The following DPYD variants were observed in gnomAD, a reference collection of about 807,000 sequenced individuals.
The protein encoded by DPYD is dihydropyrimidine dehydrogenase [NADP(+)].
DPYD carries 109 observed loss-of-function variants against 116.2 expected under a neutral mutation model. The ratio of observed to expected loss-of-function variants is 0.94; its 90% CI spans 0.80 to 1.10. DPYD has a LOEUF of 1.10. Among genes scored for constraint, DPYD ranks in the 50% least tolerant of loss-of-function variants. DPYD has a pLI of 0.00. For synonymous variants in DPYD, 440 were observed against 432.0 expected, an observed-to-expected ratio of 1.02 and a Z score of -0.23; for missense variants, 1,302 against 1,254.5, an observed-to-expected ratio of 1.04 and a Z score of -0.57.
chr1:97,138,459 AG>A, intron 20 of DPYD, among the ~76,000 whole-genome samples: 2 of 152,254 alleles, frequency 1.3e-5, no homozygotes, highest in East Asian at 3.9e-4. Context: ...CTTAAGCAGT[AG>A]GGGGCATGGT....
intron 12 of DPYD, among the ~76,000 whole-genome samples, chr1:97,530,604 C>T (rs1204349112): frequency 1.3e-5 from 2 of 152,270 alleles, no homozygotes; most frequent in African/African-American, 4.8e-5. Context: ...GCAGATATCT[C>T]TTTGAGATAA....
In DPYD at chr1:97,435,023, A is replaced by T. The variant is rs368198558; in HGVS notation, c.1905+15036T>A. Among the ~76,000 whole-genome samples the T allele has an allele frequency of 2.6e-5, 4 of 152,000 alleles. No individual in the cohort carries two copies. The East Asian group carries it at 5.8e-4, about 22-fold the overall frequency. On this transcript the variant is annotated intron_variant, in intron 14 of 22. Coordinates refer to ENST00000370192, the MANE Select transcript of DPYD (RefSeq NM_000110.4). ...AAAACTAAGAAACTGTTATGTTTTC[A>T]ATTTGTAAAACCCCTTTGTCAATTC... is the stretch of plus-strand genomic sequence containing the variant.
intron 2 of DPYD, among the ~76,000 whole-genome samples, chr1:97,834,431 C>T (rs562743418): frequency 6.6e-6 from 1 of 151,344 alleles, no homozygotes; most frequent in Admixed American, 6.6e-5. Context: ...ATAGGCCTCA[C>T]ATCCATTGCC....
chr1:97,217,267 G>A (rs1013248949), intron 19 of DPYD, among the ~76,000 whole-genome samples: 6 of 152,068 alleles, frequency 3.9e-5, no homozygotes, highest in Non-Finnish European at 7.4e-5. Flanking sequence ...TCTATCTGGT[G>A]GAAATTAACA....
chr1:97,684,562 G>GA lies in DPYD; in HGVS notation c.763-5381dup, dbSNP rs202231273. Among the ~76,000 whole-genome samples, 1,317 of 144,512 alleles carry GA rather than the reference G, an allele frequency of 9.1e-3. 18 individuals are homozygous for GA. Among genetic ancestry groups the GA allele is most frequent in the African/African-American group, 0.029 (1,159 of 39,508 alleles). The allele number at this position is 144,512 out of a possible 152,430, so 94.8% of individuals were successfully genotyped here. A position where few individuals can be genotyped will look rare whatever the true frequency, so the allele number is the denominator to read the frequency against. The stretch of plus-strand genomic sequence containing the variant: ...GAATGAATCCGGGAGCTGGTTTTTT[G>GA]AAAAAAAAATATATATATATATACA... On this transcript the variant is annotated intron_variant, in intron 7 of 22. Coordinates refer to ENST00000370192, the MANE Select transcript of DPYD (RefSeq NM_000110.4).
At chr1:97,694,265 G>A (rs1225861712) in intron 6 of DPYD, among the ~76,000 whole-genome samples, 1 of 152,280 alleles carries the variant, frequency 6.6e-6, no homozygotes, top group East Asian at 1.9e-4. Flanking sequence ...AGTAGGTAGG[G>A]GGTAGGTGGA....
rs955245946 is a variant in DPYD at position 97,644,865 on chromosome 1, C to T, written c.850+34230G>A. On this transcript the variant is annotated intron_variant, in intron 8 of 22. Transcript: ENST00000370192. Reference sequence around the variant, plus strand: ...TAAAAATATACACCATGAAAAGTGACCCTTCACTGTTGTCTCCTCTATCTT... The same window carrying T: ...TAAAAATATACACCATGAAAAGTGATCCTTCACTGTTGTCTCCTCTATCTT... Among the ~76,000 whole-genome samples the T allele has an allele frequency of 1.1e-4, 16 of 152,060 alleles. 1 individual carries two copies. The highest frequency in any genetic ancestry group is 1.0e-3 in the South Asian group (5 of 4,818).
chr1:97,310,266 ATGTTTC>A (rs1667426016), intron 16 of DPYD, among the ~76,000 whole-genome samples: 1 of 151,716 alleles, frequency 6.6e-6, no homozygotes, highest in African/African-American at 2.4e-5. Flanking sequence ...CATTACATCC[ATGTTTC>A]TGATGGAAAG....
intron 2 of DPYD, chr1:97,855,517 A>T (rs1670787031): frequency 6.6e-6 from 1 of 152,198 alleles, no homozygotes; most frequent in African/African-American, 2.4e-5. Flanking sequence ...ACAAACTGGA[A>T]ATCTTTAATA....
At chr1:97,750,553 C>T (rs890245305) in intron 3 of DPYD, among the ~76,000 whole-genome samples, 2 of 152,122 alleles carry the variant, frequency 1.3e-5, no homozygotes, top group Non-Finnish European at 1.5e-5. Flanking sequence ...TGACTAAAAT[C>T]ACATTATCCT....
intron 14 of DPYD, among the ~76,000 whole-genome samples, chr1:97,449,548 T>C (rs1036134976): frequency 2.6e-5 from 4 of 152,144 alleles, no homozygotes; most frequent in African/African-American, 7.2e-5. Flanking sequence ...TACTGCAATA[T>C]TTAGGCATGG....
At chr1:97,109,266 A>T (rs1651414769) in intron 20 of DPYD, among the ~76,000 whole-genome samples, 1 of 152,152 alleles carries the variant, frequency 6.6e-6, no homozygotes, top group African/African-American at 2.4e-5. Context: ...TAATGTAAAG[A>T]TGTGAGTGCT....
intron 14 of DPYD, among the ~76,000 whole-genome samples, chr1:97,393,822 G>A (rs555711811): frequency 3.3e-5 from 5 of 152,230 alleles, no homozygotes; most frequent in African/African-American, 4.8e-5. Context: ...TGGGATCACT[G>A]GGTCAAATGG....
At chr1:97,777,766 T>C (rs899527146) in intron 3 of DPYD, among the ~76,000 whole-genome samples, 1 of 152,178 alleles carries the variant, frequency 6.6e-6, no homozygotes, top group African/African-American at 2.4e-5. Context: ...TTTTTTGTTC[T>C]AGCTTGACTG....
At chr1:97,303,845 T>C (rs750607437) in intron 18 of DPYD, among the ~76,000 whole-genome samples, 1 of 152,006 alleles carries the variant, frequency 6.6e-6, no homozygotes, top group Non-Finnish European at 1.5e-5. Flanking sequence ...AATTTATAAA[T>C]CTTAGAAATA....
At chr1:97,273,385 C>T (rs1664725805) in intron 18 of DPYD, among the ~76,000 whole-genome samples, 1 of 152,118 alleles carries the variant, frequency 6.6e-6, no homozygotes, top group Non-Finnish European at 1.5e-5. Flanking sequence ...ATGTTTGAGG[C>T]ACAGACTAGC....
At chr1:97,499,426 CA>C (rs1679453043) in intron 13 of DPYD, among the ~76,000 whole-genome samples, 1 of 151,760 alleles carries the variant, frequency 6.6e-6, no homozygotes, top group South Asian at 2.1e-4. Flanking sequence ...TGTGTTAAAA[CA>C]GTAAATATTT....
intron 20 of DPYD, among the ~76,000 whole-genome samples, chr1:97,171,966 G>A (rs925644106): frequency 2.0e-5 from 3 of 152,212 alleles, no homozygotes; most frequent in Non-Finnish European, 4.4e-5. Flanking sequence ...AAAGGTGTAA[G>A]ATAAAGCTCA....
chr1:97,735,541 A>G (rs1010274304), intron 4 of DPYD, among the ~76,000 whole-genome samples: 2 of 148,050 alleles, frequency 1.4e-5, no homozygotes, highest in Admixed American at 6.7e-5. Flanking sequence ...AAAAAAAATT[A>G]GCCGGGCGTG....
Sources: gnomAD v4.1 joint callset for allele counts (sites outside exome capture counted in the v4.1 genomes callset) on GRCh38, gnomAD v4.1.1 for gene constraint, MANE v1.5 for transcripts, NCBI Gene and HGNC (gene_info 2026-07-23, HGNC 2026-07-21) for gene names.